The following RABGAP1L variants were observed in gnomAD, a reference collection of about 807,000 sequenced individuals.
RABGAP1L encodes the protein rab GTPase-activating protein 1-like.
A neutral mutation model predicts 137.7 loss-of-function variants in RABGAP1L; 63 were observed. The ratio of observed to expected loss-of-function variants is 0.46; its 90% CI spans 0.37 to 0.56. The LOEUF (loss-of-function observed/expected upper bound fraction) is 0.56. Among genes scored for constraint, RABGAP1L ranks in the 20% least tolerant of loss-of-function variants. The pLI is 0.00. For synonymous variants in RABGAP1L, 431 were observed against 433.7 expected, an observed-to-expected ratio of 0.99 and a Z score of 0.08; for missense variants, 1,095 against 1,244.0, an observed-to-expected ratio of 0.88 and a Z score of 1.80.
chr1:174,944,274 CAA>C (rs56225773), intron 19 of RABGAP1L, among the ~76,000 whole-genome samples: 4 of 50,872 alleles, frequency 7.9e-5, no homozygotes, highest in Non-Finnish European at 7.9e-5. Context: ...AAGACTGTCT[CAA>C]AAAAAAAAAA....
rs1404024409 is a variant in RABGAP1L, at chr1:174,612,793, A to G, written c.1711-24582A>G. The stretch of plus-strand genomic sequence containing the variant: ...TCCTGGTTTAGTCTTGGGAGAGTGT[A>G]CGTGTCAAGGAATGTATCCATTTCT... On this transcript the variant is annotated intron_variant, in intron 13 of 25. Transcript: ENST00000681986. Among the ~76,000 whole-genome samples, 14 of 152,334 alleles carry G rather than the reference A, an allele frequency of 9.2e-5. No homozygotes were observed. In the East Asian group the frequency reaches 1.7e-3, roughly 19 times the overall value.
At chr1:174,240,277 C>T (rs1671688353) in intron 4 of RABGAP1L, among the ~76,000 whole-genome samples, 1 of 152,054 alleles carries the variant, frequency 6.6e-6, no homozygotes, top group Non-Finnish European at 1.5e-5. Flanking sequence ...GACACAGTTT[C>T]ACTCTGTTCC....
intron 19 of RABGAP1L, among the ~76,000 whole-genome samples, chr1:174,838,918 A>AAAG (rs1693062917): frequency 3.0e-5 from 1 of 33,226 alleles, no homozygotes; most frequent in Non-Finnish European, 5.4e-5. Flanking sequence ...ACTCCGTCTC[A>AAAG]AAAAAAAAAA....
chr1:174,616,308 A>T (rs1671856930), intron 13 of RABGAP1L, among the ~76,000 whole-genome samples: 1 of 152,208 alleles, frequency 6.6e-6, no homozygotes, highest in South Asian at 2.1e-4. Flanking sequence ...GGTACAAATT[A>T]TTAGCTTTTG....
At chr1:174,958,104 A>C (rs751158993) in intron 20 of RABGAP1L, 1 of 1,513,150 alleles carries the variant, frequency 6.6e-7, no homozygotes, top group Admixed American at 2.0e-5. Flanking sequence ...GGATGTTTCA[A>C]ACTTGCCTCT....
At position 174,420,911 on chromosome 1, in the gene RABGAP1L, A is replaced by G. The variant is rs550274385; in HGVS notation, c.1710+26766A>G. Among the ~76,000 whole-genome samples the G allele has an allele frequency of 9.2e-5, 14 of 152,110 alleles. No individual in the cohort carries two copies. In the East Asian group the frequency reaches 1.6e-3, roughly 17 times the overall value. ...AGGATGGTCTCGATCTCCTGACTTC[A>G]TGATCTGCCCTCCTTGGCCTCCCAA... On this transcript the variant is annotated intron_variant, in intron 13 of 25. Transcript: ENST00000681986.
At chr1:174,661,421 A>G (rs183202474) in intron 14 of RABGAP1L, among the ~76,000 whole-genome samples, 3 of 152,212 alleles carry the variant, frequency 2.0e-5, no homozygotes, top group African/African-American at 7.2e-5. Flanking sequence ...AAAAAAGAAC[A>G]TGAGGAATAT....
intron 11 of RABGAP1L, among the ~76,000 whole-genome samples, chr1:174,318,056 T>C (rs1230307320): frequency 6.6e-6 from 1 of 151,770 alleles, no homozygotes; most frequent in Admixed American, 6.6e-5. Context: ...TTTTTTTTTT[T>C]TTCTATCTCT....
intron 13 of RABGAP1L, among the ~76,000 whole-genome samples, chr1:174,400,213 T>C (rs1316494696): frequency 1.3e-5 from 2 of 152,196 alleles, no homozygotes; most frequent in Non-Finnish European, 2.9e-5. Context: ...CTCTATTACT[T>C]ACTCTCTATC....
At chr1:174,335,811 T>G (rs141509143) in intron 11 of RABGAP1L, among the ~76,000 whole-genome samples, 1 of 152,342 alleles carries the variant, frequency 6.6e-6, no homozygotes, top group African/African-American at 2.4e-5. Flanking sequence ...AGGGCATATT[T>G]GTGTATTAAT....
chr1:174,588,985 C>T (rs576184614), intron 13 of RABGAP1L, among the ~76,000 whole-genome samples: 2 of 152,176 alleles, frequency 1.3e-5, no homozygotes, highest in African/African-American at 4.8e-5. Flanking sequence ...ATTGCTGGAT[C>T]ATATGGTGGT....
chr1:174,239,264 G>T (rs1671569776), intron 4 of RABGAP1L, among the ~76,000 whole-genome samples: 1 of 152,210 alleles, frequency 6.6e-6, no homozygotes, highest in African/African-American at 2.4e-5. Context: ...GACCGGAGCT[G>T]TTCCTATTCG....
chr1:174,670,235 T>A (rs886473284), intron 14 of RABGAP1L, among the ~76,000 whole-genome samples: 8 of 151,980 alleles, frequency 5.3e-5, no homozygotes, highest in African/African-American at 1.9e-4. Context: ...ATAGCTACTT[T>A]ATTTTTTATT....
At chr1:174,810,820 G>A (rs1689796818) in intron 18 of RABGAP1L, among the ~76,000 whole-genome samples, 1 of 152,066 alleles carries the variant, frequency 6.6e-6, no homozygotes, top group Non-Finnish European at 1.5e-5. Flanking sequence ...ATAACCTTCA[G>A]GTTACAGTGA....
chr1:174,678,661 T>G (rs1367157925), intron 14 of RABGAP1L, among the ~76,000 whole-genome samples: 1 of 152,232 alleles, frequency 6.6e-6, no homozygotes, highest in Non-Finnish European at 1.5e-5. Context: ...GGTGGCGGGC[T>G]GCTTCCAAGA....
At chr1:174,272,239 G>A (rs1037278239) in intron 7 of RABGAP1L, among the ~76,000 whole-genome samples, 175 bp from the exon 8 acceptor site, 2 of 151,768 alleles carry the variant, frequency 1.3e-5, no homozygotes, top group African/African-American at 2.4e-5. Context: ...TTATTTCTGT[G>A]TGATTTTATT....
chr1:174,870,501 ACTTC>A (rs1652003651), intron 19 of RABGAP1L, among the ~76,000 whole-genome samples: 2 of 152,192 alleles, frequency 1.3e-5, no homozygotes, highest in African/African-American at 4.8e-5. Context: ...ATGTTTGCCT[ACTTC>A]CTTATCCTTT....
intron 13 of RABGAP1L, among the ~76,000 whole-genome samples, chr1:174,493,130 AG>A (rs1558281039): frequency 1.3e-5 from 2 of 148,978 alleles, no homozygotes; most frequent in African/African-American, 5.0e-5. Context: ...AGGCTGAGGC[AG>A]GAGGCTTGCC....
chr1:174,568,096 G>A lies in RABGAP1L; in HGVS notation c.1711-69279G>A, dbSNP rs550380346. On this transcript the variant is annotated intron_variant, in intron 13 of 25. Transcript: ENST00000681986. ...CATAGCACCATCATCTGCTTCTGGT[G>A]AGGACCCCAGGAAGCTTTCAGTCAT... Among the ~76,000 whole-genome samples, 16 of 152,276 alleles carry A rather than the reference G, an allele frequency of 1.1e-4. 1 individual carries two copies. In the South Asian group the frequency reaches 3.3e-3, roughly 32 times the overall value.
Sources: allele counts gnomAD v4.1 joint callset (sites outside exome capture counted in the v4.1 genomes callset), GRCh38; gene constraint gnomAD v4.1.1; transcripts MANE v1.5; gene names NCBI Gene and HGNC (gene_info 2026-07-23, HGNC 2026-07-21).